The following MEIKIN variants were observed in gnomAD, a reference collection of about 807,000 sequenced individuals.
The protein encoded by MEIKIN is meiotic kinetochore factor.
At chr5:131,860,855 G>C (rs895280654) in intron 9 of MEIKIN, among the ~76,000 whole-genome samples, 2 of 137,214 alleles carry the variant, frequency 1.5e-5, no homozygotes, top group Admixed American at 1.7e-4. Flanking sequence ...TCCACCTCCT[G>C]GGCTCAAGTG....
chr5:131,842,367 C>T (rs955208505), intron 11 of MEIKIN, among the ~76,000 whole-genome samples: 1 of 152,110 alleles, frequency 6.6e-6, no homozygotes, highest in African/African-American at 2.4e-5. Context: ...AGAATGGGTA[C>T]TCAGGTCTTG....
At chr5:131,872,590 G>A (rs56805818) in intron 9 of MEIKIN, among the ~76,000 whole-genome samples, 1 of 152,146 alleles carries the variant, frequency 6.6e-6, no homozygotes, top group Non-Finnish European at 1.5e-5. Context: ...TATTATCCAG[G>A]AGAACTTCCC....
At chr5:131,809,749 TGAGCTGCCACTGCACTC>T (rs1190508845) in intron 12 of MEIKIN, among the ~76,000 whole-genome samples, 3 of 150,594 alleles carry the variant, frequency 2.0e-5, no homozygotes, top group African/African-American at 7.3e-5. Context: ...GAGGTTGCAG[TGAGCTGCCACTGCACTC>T]CAGCCTGGCA....
In MEIKIN at chr5:131,914,137, C is replaced by T. The variant is rs189814964; in HGVS notation, c.639-2258G>A. On this transcript the variant is annotated intron_variant, in intron 7 of 12. Coordinates refer to ENST00000442687, the MANE Select transcript of MEIKIN (RefSeq NM_001303622.2). The stretch of plus-strand genomic sequence containing the variant: ...TGCTATGTGATGCCCTGTGCCACCT[C>T]GGGACTCTGCAGAGAGTCCCCATCA... Among the ~76,000 whole-genome samples the T allele has an allele frequency of 4.2e-3, 644 of 152,228 alleles. 7 individuals carry two copies. Among genetic ancestry groups the T allele is most frequent in the Non-Finnish European group, 6.4e-3 (432 of 68,030 alleles).
chr5:131,924,269 A>G (rs1751554235), intron 5 of MEIKIN, among the ~76,000 whole-genome samples: 1 of 152,178 alleles, frequency 6.6e-6, no homozygotes. Context: ...GCTACTGTGA[A>G]TAATGCTGCA....
At chr5:131,814,712 T>C (rs1773069250) in intron 12 of MEIKIN, among the ~76,000 whole-genome samples, 1 of 152,238 alleles carries the variant, frequency 6.6e-6, no homozygotes, top group Non-Finnish European at 1.5e-5. Context: ...TAATCAAGTC[T>C]GTGGAAACCA....
At chr5:131,906,915 T>A (rs1442988116) in intron 8 of MEIKIN, among the ~76,000 whole-genome samples, 1 of 152,154 alleles carries the variant, frequency 6.6e-6, no homozygotes, top group Non-Finnish European at 1.5e-5. Flanking sequence ...GTACTATGCT[T>A]ATTACATAGA....
chr5:131,831,831 C>G (rs975955552), intron 11 of MEIKIN, among the ~76,000 whole-genome samples: 6 of 152,068 alleles, frequency 3.9e-5, no homozygotes, highest in African/African-American at 1.4e-4. Flanking sequence ...ATGCAGAAAC[C>G]CCTGATAAAC....
intron 8 of MEIKIN, among the ~76,000 whole-genome samples, chr5:131,887,274 G>C (rs1750815768): frequency 6.6e-6 from 1 of 151,988 alleles, no homozygotes; most frequent in Non-Finnish European, 1.5e-5. Flanking sequence ...CTATTGTGAA[G>C]AGTGCTGCAA....
intron 7 of MEIKIN, among the ~76,000 whole-genome samples, chr5:131,914,138 G>A (rs1039107775): frequency 3.3e-5 from 5 of 152,050 alleles, no homozygotes; most frequent in East Asian, 3.9e-4. Context: ...GTGCCACCTC[G>A]GGACTCTGCA....
At position 131,894,310 on chromosome 5, in the gene MEIKIN, T is replaced by A. The variant is rs182134669; in HGVS notation, c.704-15262A>T. Among the ~76,000 whole-genome samples the A allele has an allele frequency of 8.7e-4, 133 of 152,350 alleles. 1 individual carries two copies. The highest frequency in any genetic ancestry group is 6.8e-3 in the Middle Eastern group (2 of 294). On this transcript the variant is annotated intron_variant, in intron 8 of 12. Transcript: ENST00000442687. ...TGTTTTGGTTACTGTAGCCTTGTAG[T>A]ATAGTTTGAAGTCAGGTAGTGTGAT...
At chr5:131,815,439 C>T (rs1773084799) in intron 12 of MEIKIN, among the ~76,000 whole-genome samples, 1 of 152,164 alleles carries the variant, frequency 6.6e-6, no homozygotes, top group African/African-American at 2.4e-5. Context: ...CATTATTAAC[C>T]CTGGTGACCC....
rs138709502 is a variant in MEIKIN at position 131,925,994 on chromosome 5, A to G, written c.479-4053T>C. ...GTGGTGTCTTTAGAGTGTTTTACATATAAGATCATGTCATCTGCAAAAACA... is the reference window on the plus strand; with the variant it reads ...GTGGTGTCTTTAGAGTGTTTTACATGTAAGATCATGTCATCTGCAAAAACA... On this transcript the variant is annotated intron_variant, in intron 5 of 12. Coordinates refer to ENST00000442687, the MANE Select transcript of MEIKIN (RefSeq NM_001303622.2). 8.4e-3 allele frequency among the ~76,000 whole-genome samples: 1,283 copies of G among 152,280 alleles called. 24 individuals are homozygous for G. Among genetic ancestry groups the G allele is most frequent in the African/African-American group, 0.029 (1,197 of 41,546 alleles).
Position 131,921,833 on chromosome 5 carries a change from G to A in MEIKIN, c.587C>T (p.Ser196Leu). Residue 196 changes from serine (S) to leucine (L), a missense_variant, in exon 6 of 13, where the codon TCA (serine) becomes TTA (leucine). By Grantham distance (145) the Ser-to-Leu change is moderately radical (BLOSUM62 -2). Coordinates refer to ENST00000442687, the MANE Select transcript of MEIKIN (RefSeq NM_001303622.2). Reference protein sequence around the residue: ...IEKAPQFSNVSAIFSTSSEDY... With the variant: ...IEKAPQFSNVLAIFSTSSEDY... ...TGTGTGCAACTCACTGAAAATTGCT[G>A]AGACATTTGAAAACTGTGGTGCCTT... is the stretch of plus-strand genomic sequence containing the variant. The A allele has an allele frequency of 2.5e-6, 1 of 398,950 alleles. No homozygotes were observed. Among genetic ancestry groups the A allele is most frequent in the East Asian group, 3.6e-5 (1 of 28,054 alleles). 24.7% of individuals were successfully genotyped at this position (398,950 alleles called of 1,614,324 possible). A position where few individuals can be genotyped will look rare whatever the true frequency, so the allele number is the denominator to read the frequency against.
At chr5:131,918,098 CT>C (rs1751445032) in intron 6 of MEIKIN, among the ~76,000 whole-genome samples, 1 of 152,044 alleles carries the variant, frequency 6.6e-6, no homozygotes, top group African/African-American at 2.4e-5. Flanking sequence ...AAGAGAAGCA[CT>C]TTTTTCAATG....
intron 4 of MEIKIN, among the ~76,000 whole-genome samples, chr5:131,934,363 T>G (rs567279486): frequency 6.5e-4 from 99 of 152,190 alleles, no homozygotes; most frequent in South Asian, 2.7e-3. Context: ...AGCCTACACA[T>G]ACACAAATAT....
At chr5:131,889,830 A>G (rs1750875024) in intron 8 of MEIKIN, among the ~76,000 whole-genome samples, 2 of 152,230 alleles carry the variant, frequency 1.3e-5, no homozygotes, top group Non-Finnish European at 2.9e-5. Context: ...GCCATTCAGT[A>G]TGATATTGGC....
chr5:131,863,322 C>T (rs1750319984), intron 9 of MEIKIN, among the ~76,000 whole-genome samples: 1 of 152,074 alleles, frequency 6.6e-6, no homozygotes, highest in Non-Finnish European at 1.5e-5. Context: ...GGTCTAAAGT[C>T]CAGTTTAAAT....
At position 131,830,712 on chromosome 5, in the gene MEIKIN, C is replaced by A. The variant is rs536610562; in HGVS notation, c.976-11849G>T. 1.2e-3 allele frequency among the ~76,000 whole-genome samples: 185 copies of A among 152,232 alleles called. 1 individual carries two copies. The highest frequency in any genetic ancestry group is 4.2e-3 in the African/African-American group (176 of 41,542). ...GTCAAAGCTAACTGGAGCCCTTAAC[C>A]AGAACTGAAAAACATACACACCTAG... On this transcript the variant is annotated intron_variant, in intron 11 of 12. Transcript: ENST00000442687.
Sources: gnomAD v4.1 joint callset for allele counts (sites outside exome capture counted in the v4.1 genomes callset) on GRCh38, gnomAD v4.1.1 for gene constraint, MANE v1.5 for transcripts, NCBI Gene and HGNC (gene_info 2026-07-23, HGNC 2026-07-21) for gene names.